MGAT5: variants seen among roughly 807,000 people sequenced by gnomAD.
MGAT5 encodes the protein alpha-1,6-mannosylglycoprotein 6-beta-N-acetylglucosaminyltransferase.
In MGAT5, 30 loss-of-function variants were observed where a neutral mutation model predicts 94.3. That is an observed-to-expected ratio of 0.32 (90% confidence interval 0.24 to 0.43). The LOEUF is 0.43. Among genes scored for constraint, MGAT5 ranks in the 20% least tolerant of loss-of-function variants. MGAT5 has a pLI of 1.00. For synonymous variants in MGAT5, 310 were observed against 322.9 expected (o/e 0.96, Z 0.43); for missense variants, 691 against 905.5 (o/e 0.76, Z 3.04).
At chr2:134,429,195 A>G (rs968851173) in intron 14 of MGAT5, among the ~76,000 whole-genome samples, 2 of 152,344 alleles carry the variant, frequency 1.3e-5, no homozygotes. Context: ...TTTACACAAT[A>G]GGGGATGAGG....
chr2:134,266,833 G>C (rs1683747699), intron 1 of MGAT5, among the ~76,000 whole-genome samples: 1 of 152,202 alleles, frequency 6.6e-6, no homozygotes, highest in Non-Finnish European at 1.5e-5. Context: ...AGTTGAAAAT[G>C]AACTTTTTTC....
intron 2 of MGAT5, among the ~76,000 whole-genome samples, chr2:134,293,745 T>G (rs1685511025): frequency 6.6e-6 from 1 of 152,176 alleles, no homozygotes; most frequent in African/African-American, 2.4e-5. Flanking sequence ...GCTTCCTTGC[T>G]TTAAATTGAA....
At chr2:134,284,284 G>A (rs1684876381) in intron 2 of MGAT5, among the ~76,000 whole-genome samples, 1 of 152,100 alleles carries the variant, frequency 6.6e-6, no homozygotes, top group Non-Finnish European at 1.5e-5. Context: ...AACAAACTGT[G>A]GCCCATGGGC....
chr2:134,420,832 TAAAAG>T (rs1270196945), intron 12 of MGAT5, among the ~76,000 whole-genome samples: 3 of 152,072 alleles, frequency 2.0e-5, no homozygotes, highest in Admixed American at 1.3e-4. Flanking sequence ...AAAGGAGAAA[TAAAAG>T]GAAAAGAATT....
rs777441966 is a variant in MGAT5, at chr2:134,338,286, C to G, written c.673C>G (p.Leu225Val). 41 of 1,607,268 alleles carry G rather than the reference C, an allele frequency of 2.6e-5. No individual in the cohort carries two copies. The East Asian group carries it at 9.2e-4, about 36-fold the overall frequency. ...LAEIRTDFNILYSMMKKHEEF... is the reference protein window; with the variant it reads ...LAEIRTDFNIVYSMMKKHEEF... ...GGAAATTCGTACAGATTTTAATATT[C>G]TCTACAGTATGATGAAAAAGCATGA... Residue 225 changes from leucine (L) to valine (V), a missense_variant, in exon 6 of 16, where the codon CTC becomes GTC. Leu to Val is a conservative substitution (Grantham distance 32). Transcript: ENST00000281923.
intron 1 of MGAT5, among the ~76,000 whole-genome samples, chr2:134,129,875 G>A (rs1007882726): frequency 1.3e-5 from 2 of 152,178 alleles, no homozygotes; most frequent in Non-Finnish European, 2.9e-5. Flanking sequence ...CCGCTGCACT[G>A]TGGGAGCCCC....
At chr2:134,373,780 G>A (rs1428838077) in intron 10 of MGAT5, among the ~76,000 whole-genome samples, 2 of 152,186 alleles carry the variant, frequency 1.3e-5, no homozygotes, top group African/African-American at 4.8e-5. Context: ...TCCAGGCATG[G>A]AGAGACAGTC....
At chr2:134,265,314 T>C (rs1032948714) in intron 1 of MGAT5, among the ~76,000 whole-genome samples, 2 of 152,152 alleles carry the variant, frequency 1.3e-5, no homozygotes, top group African/African-American at 4.8e-5. Flanking sequence ...TTTACTGAGA[T>C]CCCATCTCCT....
intron 1 of MGAT5, among the ~76,000 whole-genome samples, chr2:134,197,499 T>C (rs1339357409): frequency 1.3e-5 from 2 of 152,170 alleles, no homozygotes; most frequent in Non-Finnish European, 2.9e-5. Context: ...AAGAGAGATT[T>C]CTTGAACCTC....
intron 1 of MGAT5, among the ~76,000 whole-genome samples, chr2:134,182,513 T>C (rs969386321): frequency 6.6e-6 from 1 of 152,210 alleles, no homozygotes; most frequent in Admixed American, 6.5e-5. Flanking sequence ...TTTGTGTTGA[T>C]TGATACATTT....
intron 1 of MGAT5, among the ~76,000 whole-genome samples, chr2:134,242,063 T>C (rs537179331): frequency 6.6e-6 from 1 of 152,350 alleles, no homozygotes; most frequent in African/African-American, 2.4e-5. Context: ...GCTATTTCAC[T>C]TTGAAGTCAA....
rs1686069169 is a variant in MGAT5, at chr2:134,450,866, T to A, written c.*2019T>A. The A allele has an allele frequency of 6.6e-6, 1 of 151,906 alleles. No homozygotes were observed. Among genetic ancestry groups the A allele is most frequent in the South Asian group, 2.1e-4 (1 of 4,802 alleles). 9.4% of individuals were successfully genotyped at this position (151,906 alleles called of 1,614,324 possible). On this transcript the variant is annotated 3_prime_UTR_variant, in exon 16 of 16. Transcript: ENST00000281923. ...TGCATTTCTTTTAAGCAAGGGCAGT[T>A]TCCTGCAGTAGGAGGGCAGATGACT...
At chr2:134,235,941 C>A (rs1392449591) in intron 1 of MGAT5, among the ~76,000 whole-genome samples, 1 of 152,176 alleles carries the variant, frequency 6.6e-6, no homozygotes, top group Admixed American at 6.5e-5. Context: ...CTTGCTCCCC[C>A]TCCCCTTCCT....
intron 3 of MGAT5, among the ~76,000 whole-genome samples, chr2:134,318,339 C>T (rs1187049319): frequency 6.7e-6 from 1 of 149,172 alleles, no homozygotes; most frequent in Admixed American, 6.6e-5. Flanking sequence ...CCATTAGGCA[C>T]TTGATCTTGA....
chr2:134,168,348 T>C (rs1184187639), intron 1 of MGAT5, among the ~76,000 whole-genome samples: 1 of 152,160 alleles, frequency 6.6e-6, no homozygotes, highest in East Asian at 1.9e-4. Flanking sequence ...GCCCAGGCAG[T>C]ATTAGTGAGT....
At chr2:134,300,945 A>G (rs1685979685) in intron 2 of MGAT5, among the ~76,000 whole-genome samples, 1 of 152,112 alleles carries the variant, frequency 6.6e-6, no homozygotes, top group East Asian at 1.9e-4. Context: ...ATAAATGTAT[A>G]TATCTATAAA....
intron 12 of MGAT5, among the ~76,000 whole-genome samples, chr2:134,415,683 A>T (rs984239602): frequency 2.0e-5 from 3 of 151,974 alleles, no homozygotes; most frequent in African/African-American, 7.3e-5. Flanking sequence ...TCATACCCAA[A>T]CATCATTGCC....
intron 1 of MGAT5, chr2:134,120,294 A>T: frequency 2.6e-6 from 1 of 389,488 alleles, no homozygotes; most frequent in Non-Finnish European, 4.5e-6. Context: ...ACAAGGAGGT[A>T]AGAGCTGCCG....
chr2:134,355,036 G>T (rs890328939), intron 9 of MGAT5, among the ~76,000 whole-genome samples: 2 of 152,068 alleles, frequency 1.3e-5, no homozygotes, highest in African/African-American at 2.4e-5. Context: ...AGGCTCTCTG[G>T]CCTCAACTCC....
Sources: gnomAD v4.1 joint callset for allele counts (sites outside exome capture counted in the v4.1 genomes callset) on GRCh38, gnomAD v4.1.1 for gene constraint, MANE v1.5 for transcripts, NCBI Gene and HGNC (gene_info 2026-07-23, HGNC 2026-07-21) for gene names.